Variants in GUCY1A2 observed in about 807,000 individuals in gnomAD.
The protein encoded by GUCY1A2 is guanylate cyclase 1 soluble subunit alpha 2.
A neutral mutation model predicts 63.5 loss-of-function variants in GUCY1A2; 27 were observed. The observed-to-expected ratio is 0.43, with a 90% CI of 0.31 to 0.59. The LOEUF is 0.59. GUCY1A2 is among the 20% of genes least tolerant of loss of function. The pLI is 0.11. For synonymous variants in GUCY1A2, 364 were observed against 343.5 expected, an observed-to-expected ratio of 1.06 and a Z score of -0.66; for missense variants, 768 against 913.3, an observed-to-expected ratio of 0.84 and a Z score of 2.05.
intron 4 of GUCY1A2, among the ~76,000 whole-genome samples, chr11:106,842,725 A>G (rs567775874): frequency 6.6e-6 from 1 of 151,990 alleles, no homozygotes; most frequent in East Asian, 1.9e-4. Flanking sequence ...AAAAGGGGGT[A>G]GGGAGGAATG....
At chr11:106,885,034 A>T (rs1859879922) in intron 4 of GUCY1A2, among the ~76,000 whole-genome samples, 1 of 152,186 alleles carries the variant, frequency 6.6e-6, no homozygotes, top group African/African-American at 2.4e-5. Context: ...GGCTAAAAGT[A>T]CTTTGTACTA....
rs142730655 is a variant in GUCY1A2, at chr11:107,004,565, G to C, written c.303+13188C>G. ...TCTAGCTAGGACTATTCTAGGTGCT[G>C]CAAAGCCCACAGAGAGCAACGCTGA... On this transcript the variant is annotated intron_variant, in intron 1 of 7. Transcript: ENST00000526355. 4.9e-3 allele frequency among the ~76,000 whole-genome samples: 742 copies of C among 152,246 alleles called. 4 individuals are homozygous for C. Among genetic ancestry groups the C allele is most frequent in the Middle Eastern group, 0.014 (4 of 294 alleles).
At chr11:106,961,962 G>C (rs1011723664) in intron 3 of GUCY1A2, among the ~76,000 whole-genome samples, 14 of 152,130 alleles carry the variant, frequency 9.2e-5, no homozygotes, top group African/African-American at 3.1e-4. Flanking sequence ...CTGTAGAGCT[G>C]ACTACTAACA....
intron 6 of GUCY1A2, among the ~76,000 whole-genome samples, chr11:106,763,095 G>T (rs1259298705): frequency 6.6e-6 from 1 of 152,158 alleles, no homozygotes; most frequent in African/African-American, 2.4e-5. Flanking sequence ...AATTTCTATG[G>T]ATACTAAAAG....
chr11:106,872,808 T>C (rs974235516), intron 4 of GUCY1A2, among the ~76,000 whole-genome samples: 4 of 152,202 alleles, frequency 2.6e-5, no homozygotes, highest in African/African-American at 9.6e-5. Flanking sequence ...TTTAAAATTT[T>C]ACTTTAAATT....
intron 2 of GUCY1A2, among the ~76,000 whole-genome samples, chr11:106,979,918 A>T (rs1170799470): frequency 6.6e-6 from 1 of 152,112 alleles, no homozygotes; most frequent in Non-Finnish European, 1.5e-5. Context: ...AGAGAGTGCT[A>T]TGGTACTTTT....
intron 4 of GUCY1A2, among the ~76,000 whole-genome samples, chr11:106,911,099 G>A (rs571562728): frequency 1.3e-5 from 2 of 151,968 alleles, no homozygotes; most frequent in Non-Finnish European, 2.9e-5. Context: ...GAATAAAGGG[G>A]AGAAGAGGAA....
chr11:106,798,429 C>T (rs1457503900), intron 5 of GUCY1A2, among the ~76,000 whole-genome samples: 2 of 152,142 alleles, frequency 1.3e-5, no homozygotes, highest in African/African-American at 2.4e-5. Flanking sequence ...CCAGCATCAT[C>T]CTGATACCAA....
rs186245875 is a variant in GUCY1A2, at chr11:106,922,572, A to T, written c.1206+16888T>A. Among the ~76,000 whole-genome samples, 866 of 149,176 alleles carry T rather than the reference A, an allele frequency of 5.8e-3. 12 individuals carry two copies. The highest frequency in any genetic ancestry group is 0.02 in the African/African-American group (814 of 40,734). On this transcript the variant is annotated intron_variant, in intron 4 of 7. Coordinates refer to ENST00000526355, the MANE Select transcript of GUCY1A2 (RefSeq NM_000855.3). Reference sequence around the variant, plus strand: ...AACATATATATATATATATGTTTTTAAAAAATCTATACTTCATGGGTTTCT... The same window carrying T: ...AACATATATATATATATATGTTTTTTAAAAATCTATACTTCATGGGTTTCT...
At chr11:106,735,674 G>A (rs1863577040) in intron 6 of GUCY1A2, among the ~76,000 whole-genome samples, 1 of 152,052 alleles carries the variant, frequency 6.6e-6, no homozygotes, top group Admixed American at 6.6e-5. Context: ...GGATCATATG[G>A]TAGTTTTATT....
In GUCY1A2 at chr11:106,686,513, C is replaced by G. The variant is rs893866176; in HGVS notation, c.*1036G>C. 1 of 216,146 alleles carries G rather than the reference C, an allele frequency of 4.6e-6. No homozygotes were observed. The highest frequency in any genetic ancestry group is 9.3e-6 in the Non-Finnish European group (1 of 107,264). 13.4% of individuals were successfully genotyped at this position (216,146 alleles called of 1,614,324 possible). ...TAATGCCAGTATCCAGGAATTTGTT[C>G]TCAAGAATAGCAGTCGGCTCTTAGG... On this transcript the variant is annotated 3_prime_UTR_variant, in exon 8 of 8. Coordinates refer to ENST00000526355, the MANE Select transcript of GUCY1A2 (RefSeq NM_000855.3).
intron 4 of GUCY1A2, among the ~76,000 whole-genome samples, chr11:106,925,260 ATAT>A (rs1476344240): frequency 6.6e-6 from 1 of 152,182 alleles, no homozygotes; most frequent in Non-Finnish European, 1.5e-5. Context: ...AAGAAAAATC[ATAT>A]TACTTTTAAA....
Position 106,939,454 on chromosome 11 carries a change from A to C in GUCY1A2, c.1206+6T>G. ...CCCATCACCATCTCAAGTCCATAGC[A>C]CTTACCTTGTCTTTATTTTCAGAGC... On this transcript the variant is annotated splice_donor_region_variant and intron_variant, in intron 4 of 7. Coordinates refer to ENST00000526355, the MANE Select transcript of GUCY1A2 (RefSeq NM_000855.3). The C allele has an allele frequency of 1.4e-6, 2 of 1,462,762 alleles. No individual in the cohort carries two copies. Among genetic ancestry groups the C allele is most frequent in the Admixed American group, 3.4e-5 (2 of 58,658 alleles). The allele number at this position is 1,462,762 out of a possible 1,614,324, so 90.6% of individuals were successfully genotyped here.
rs1221581939 is a variant in GUCY1A2 at position 107,017,881 on chromosome 11, G to GAGC, written c.174_175insGCT (p.Ala58dup). The stretch of plus-strand genomic sequence containing the variant: ...GCAGAAGCAGCCGGGGTCGGGGCCG[G>GAGC]GGCGGCGGCAGCGGCAGCTGCGGCC... On this transcript the variant is annotated inframe_insertion, in exon 1 of 8. Coordinates refer to ENST00000526355, the MANE Select transcript of GUCY1A2 (RefSeq NM_000855.3). 7.2e-6 allele frequency: 9 copies of GAGC among 1,250,696 alleles called. No homozygotes were observed. Among genetic ancestry groups the GAGC allele is most frequent in the Admixed American group, 4.3e-5 (1 of 23,302 alleles). 77.5% of individuals were successfully genotyped at this position (1,250,696 alleles called of 1,614,324 possible).
chr11:106,910,460 AG>A (rs1860278122), intron 4 of GUCY1A2, among the ~76,000 whole-genome samples: 1 of 152,098 alleles, frequency 6.6e-6, no homozygotes, highest in African/African-American at 2.4e-5. Context: ...CTTATTTTTA[AG>A]GTTTTTAAAT....
intron 1 of GUCY1A2, among the ~76,000 whole-genome samples, 196 bp downstream of exon 1, chr11:107,017,557 C>T (rs1202506821): frequency 2.0e-5 from 3 of 152,220 alleles, no homozygotes; most frequent in Non-Finnish European, 4.4e-5. Flanking sequence ...CTTCCCAGTG[C>T]TGTAGTCCCC....
intron 4 of GUCY1A2, among the ~76,000 whole-genome samples, chr11:106,915,915 T>G (rs759287306): frequency 1.4e-5 from 2 of 144,142 alleles, no homozygotes; most frequent in Non-Finnish European, 3.1e-5. Flanking sequence ...ATAGAGGAGC[T>G]TCTATATACA....
At chr11:106,767,090 G>A (rs1295335531) in intron 6 of GUCY1A2, among the ~76,000 whole-genome samples, 1 of 152,010 alleles carries the variant, frequency 6.6e-6, no homozygotes, top group Non-Finnish European at 1.5e-5. Flanking sequence ...CCTCTTCTAT[G>A]GACATTGTAT....
intron 3 of GUCY1A2, among the ~76,000 whole-genome samples, chr11:106,954,593 TGA>T (rs986293886): frequency 2.6e-5 from 4 of 152,268 alleles, no homozygotes; most frequent in African/African-American, 9.6e-5. Context: ...GATCTAATAC[TGA>T]GAGTGGGGTG....
Sources: allele counts gnomAD v4.1 joint callset (sites outside exome capture counted in the v4.1 genomes callset), GRCh38; gene constraint gnomAD v4.1.1; transcripts MANE v1.5; gene names NCBI Gene and HGNC (gene_info 2026-07-23, HGNC 2026-07-21).